USP32: variants seen among roughly 807,000 people sequenced by gnomAD.
USP32 encodes ubiquitin carboxyl-terminal hydrolase 32.
A neutral mutation model predicts 204.8 loss-of-function variants in USP32; 59 were observed. That is an observed-to-expected ratio of 0.29 (90% confidence interval 0.23 to 0.36). USP32 has a LOEUF of 0.36. Ranked by LOEUF, USP32 falls within the 10% of genes least tolerant of loss-of-function variation. The probability of loss-of-function intolerance (pLI) is 1.00; values close to 1 mark genes in which losing one functional copy is unlikely to be tolerated. For synonymous variants in USP32, 517 were observed against 678.4 expected (o/e 0.76, Z 3.70); for missense variants, 1,160 against 1,946.4 (o/e 0.60, Z 7.60).
intron 31 of USP32, among the ~76,000 whole-genome samples, chr17:60,182,595 T>C (rs58879021): frequency 0.03 from 4,587 of 151,992 alleles, 243 homozygotes; most frequent in African/African-American, 0.1. Flanking sequence ...AAGCACCATC[T>C]CTACAAAAAA....
chr17:60,215,925 C>T (rs939004979), intron 16 of USP32, among the ~76,000 whole-genome samples: 3 of 152,116 alleles, frequency 2.0e-5, no homozygotes, highest in Non-Finnish European at 4.4e-5. Flanking sequence ...GTTTTGAACT[C>T]CAAGGCTCAG....
At chr17:60,243,425 T>C (rs1304739353) in intron 11 of USP32, among the ~76,000 whole-genome samples, 1 of 152,244 alleles carries the variant, frequency 6.6e-6, no homozygotes, top group African/African-American at 2.4e-5. Flanking sequence ...CAAGTATCCT[T>C]TCCTGATCTT....
At chr17:60,189,350 T>A (rs147531613) in intron 29 of USP32, among the ~76,000 whole-genome samples, 3 of 152,168 alleles carry the variant, frequency 2.0e-5, no homozygotes, top group African/African-American at 7.2e-5. Context: ...CAGTCCTCCA[T>A]AGCACAACAA....
chr17:60,265,387 ATAAAT>A lies in USP32; in HGVS notation c.990+20_990+24del. On this transcript the variant is annotated intron_variant, in intron 9 of 33. Coordinates refer to ENST00000300896, the MANE Select transcript of USP32 (RefSeq NM_032582.4). ...GAGTACATGATATTTTTAGAAAAAG[ATAAAT>A]TAGTTCTATCTAGACTCACCTTTGT... is the stretch of plus-strand genomic sequence containing the variant. 2.6e-6 allele frequency: 4 copies of A among 1,513,486 alleles called. No homozygotes were observed. Among genetic ancestry groups the A allele is most frequent in the Non-Finnish European group, 3.6e-6 (4 of 1,100,282 alleles). The allele number at this position is 1,513,486 out of a possible 1,614,324, so 93.8% of individuals were successfully genotyped here. A position where few individuals can be genotyped will look rare whatever the true frequency, so the allele number is the denominator to read the frequency against.
intron 2 of USP32, among the ~76,000 whole-genome samples, chr17:60,322,852 T>C (rs1598244192): frequency 6.6e-6 from 1 of 152,310 alleles, no homozygotes; most frequent in Non-Finnish European, 1.5e-5. Flanking sequence ...ATACACCACA[T>C]GAATGTATAA....
intron 22 of USP32, among the ~76,000 whole-genome samples, chr17:60,209,048 C>T (rs1207000557): frequency 6.6e-6 from 1 of 152,072 alleles, no homozygotes; most frequent in East Asian, 1.9e-4. Context: ...TGTCCATTAA[C>T]AAGTATAAAG....
intron 28 of USP32, among the ~76,000 whole-genome samples, chr17:60,190,962 A>C (rs1410207587): frequency 6.6e-6 from 1 of 152,244 alleles, no homozygotes; most frequent in Non-Finnish European, 1.5e-5. Flanking sequence ...TATGGCAAAT[A>C]AATGACATGG....
intron 1 of USP32, among the ~76,000 whole-genome samples, chr17:60,412,683 C>T (rs1398368175): frequency 6.6e-6 from 1 of 151,974 alleles, no homozygotes; most frequent in African/African-American, 2.4e-5. Flanking sequence ...GAGTGGGGTA[C>T]AAATACGGTG....
chr17:60,231,633 A>G (rs1454436959), intron 12 of USP32: 3 of 512,298 alleles, frequency 5.9e-6, no homozygotes, highest in Non-Finnish European at 1.2e-5. Flanking sequence ...CCCAAAGCCC[A>G]TGGGAGAGAG....
intron 26 of USP32, among the ~76,000 whole-genome samples, chr17:60,202,442 A>ATC (rs1351770728): frequency 8.3e-6 from 1 of 120,442 alleles, no homozygotes; most frequent in Non-Finnish European, 1.7e-5. Flanking sequence ...AGCTTATCAA[A>ATC]TCACACACAC....
chr17:60,392,174 G>A (rs1206997156), upstream of USP32: 14 of 515,954 alleles, frequency 2.7e-5, 1 homozygote, highest in Middle Eastern at 2.0e-3. Context: ...CTCCTACTCC[G>A]CCCTTCTCTC....
chr17:60,226,170 C>G lies in USP32; in HGVS notation c.1301G>C (p.Gly434Ala). Residue 434 changes from glycine to alanine, a missense_variant, in exon 13 of 34, where the codon GGA becomes GCA. Gly to Ala is a moderately conservative substitution (Grantham distance 60). This residue lies in a region of USP32 where 536 missense variants were observed against 680.9 expected (regional missense o/e 0.79). Coordinates refer to ENST00000300896, the MANE Select transcript of USP32 (RefSeq NM_032582.4). ...SVLNGGKYSF[G>A]TAAHPMEQVE... ...CTGCTCCATAGGATGGGCTGCAGTT[C>G]CAAATGAGTATTTTCCTCCATTCAA... 4 of 1,595,282 alleles carry G rather than the reference C, an allele frequency of 2.5e-6. No homozygotes were observed. The highest frequency in any genetic ancestry group is 3.4e-6 in the Non-Finnish European group (4 of 1,173,448).
At chr17:60,377,585 A>G (rs1047486213) in intron 1 of USP32, among the ~76,000 whole-genome samples, 3 of 152,194 alleles carry the variant, frequency 2.0e-5, no homozygotes, top group African/African-American at 7.2e-5. Context: ...TGCTTACAAT[A>G]ATAAAGGCCA....
intron 5 of USP32, among the ~76,000 whole-genome samples, chr17:60,280,807 T>G (rs1316850893): frequency 6.6e-6 from 1 of 152,226 alleles, no homozygotes; most frequent in Non-Finnish European, 1.5e-5. Flanking sequence ...AAGACATCAA[T>G]AGTGAATTGT....
At chr17:60,203,944 A>T (rs2084756873) in intron 26 of USP32, among the ~76,000 whole-genome samples, 1 of 152,202 alleles carries the variant, frequency 6.6e-6, no homozygotes, top group African/African-American at 2.4e-5. Context: ...TGGCAGAATT[A>T]GAACTAAAAC....
At chr17:60,354,314 A>G (rs923727855) in intron 1 of USP32, among the ~76,000 whole-genome samples, 4 of 152,322 alleles carry the variant, frequency 2.6e-5, no homozygotes, top group Middle Eastern at 6.8e-3. Flanking sequence ...CAGCCAAGGC[A>G]GGACCATGCA....
chr17:60,227,346 T>G (rs2085422039), intron 12 of USP32, among the ~76,000 whole-genome samples: 1 of 150,464 alleles, frequency 6.6e-6, no homozygotes, highest in Non-Finnish European at 1.5e-5. Context: ...CTCGGGTCAC[T>G]GCAACCTCCA....
At chr17:60,298,201 A>G (rs1598212544) in intron 3 of USP32, among the ~76,000 whole-genome samples, 1 of 152,316 alleles carries the variant, frequency 6.6e-6, no homozygotes. Context: ...GAACCACTTC[A>G]TGAATATTCA....
chr17:60,387,605 T>A (rs1412121053), intron 1 of USP32, among the ~76,000 whole-genome samples: 1 of 152,218 alleles, frequency 6.6e-6, no homozygotes, highest in Non-Finnish European at 1.5e-5. Flanking sequence ...GTTAGAACTA[T>A]AAACAGAATT....
Sources: gnomAD v4.1 joint callset for allele counts (sites outside exome capture counted in the v4.1 genomes callset) on GRCh38, gnomAD v4.1.1 for gene constraint, gnomAD v4.1.1 regional missense constraint, MANE v1.5 for transcripts, NCBI Gene and HGNC (gene_info 2026-07-23, HGNC 2026-07-21) for gene names.